The following CMC2 variants were observed in gnomAD, a reference collection of about 807,000 sequenced individuals.
CMC2 encodes C-X9-C motif containing 2, also known as COX assembly mitochondrial protein 2 homolog.
A neutral mutation model predicts 7.5 loss-of-function variants in CMC2; 5 were observed. That is an observed-to-expected ratio of 0.66 (90% confidence interval 0.35 to 1.40). The LOEUF (loss-of-function observed/expected upper bound fraction) is 1.40. Ranked by LOEUF, CMC2 falls within the 40% of genes most tolerant of loss-of-function variation. The probability of loss-of-function intolerance (pLI) is 0.04; values close to 1 mark genes in which losing one functional copy is unlikely to be tolerated. For missense variants in CMC2, 115 were observed against 92.3 expected, an observed-to-expected ratio of 1.25 and a Z score of -1.01; for synonymous variants, 37 against 31.4, an observed-to-expected ratio of 1.18 and a Z score of -0.60.
intron 1 of CMC2, among the ~76,000 whole-genome samples, chr16:80,999,544 T>G (rs561639721): frequency 0.054 from 8,232 of 152,252 alleles, 321 homozygotes; most frequent in Non-Finnish European, 0.082. Context: ...TGGCATTTTT[T>G]CACACAATTA....
Position 80,971,562 on chromosome 16 carries a change from T to TATATATA in CMC2, c.*4530_*4531insTATATAT, listed in dbSNP as rs1555512297. 899 of 75,750 alleles carry TATATATA rather than the reference T, an allele frequency of 0.012. 18 individuals are homozygous for TATATATA. The highest frequency in any genetic ancestry group is 0.023 in the African/African-American group (319 of 14,094). 4.7% of individuals were successfully genotyped at this position (75,750 alleles called of 1,614,324 possible). A position where few individuals can be genotyped will look rare whatever the true frequency, so the allele number is the denominator to read the frequency against. On this transcript the variant is annotated 3_prime_UTR_variant, in exon 4 of 4. Transcript: ENST00000219400. ...GGCTATGGATACTGACATACATACA[T>TATATATA]TTTATATATATATATATATATATGT...
chr16:80,994,584 C>A (rs965431753), intron 2 of CMC2, among the ~76,000 whole-genome samples: 1 of 152,078 alleles, frequency 6.6e-6, no homozygotes, highest in African/African-American at 2.4e-5. Flanking sequence ...CAAAGAAGCA[C>A]ATGAAAAGCA....
chr16:80,989,865 T>C (rs1211565761), intron 2 of CMC2, among the ~76,000 whole-genome samples: 1 of 152,206 alleles, frequency 6.6e-6, no homozygotes, highest in African/African-American at 2.4e-5. Flanking sequence ...TTGCTCAGTC[T>C]TGGAATACAC....
intron 1 of CMC2, among the ~76,000 whole-genome samples, chr16:81,005,148 G>C (rs1185553491): frequency 6.6e-6 from 1 of 152,178 alleles, no homozygotes; most frequent in Non-Finnish European, 1.5e-5. Context: ...ATCTTTTTAG[G>C]CTAGGCGCGG....
At chr16:80,980,643 A>G (rs1301951945) in intron 3 of CMC2, 2 of 467,346 alleles carry the variant, frequency 4.3e-6, no homozygotes, top group East Asian at 3.5e-5. Context: ...TAGTCCCAGC[A>G]CTTTGGGAGG....
chr16:80,984,307 T>C (rs1967356235), intron 2 of CMC2, among the ~76,000 whole-genome samples: 1 of 152,224 alleles, frequency 6.6e-6, no homozygotes, highest in Admixed American at 6.5e-5. Flanking sequence ...AATGCTGAAC[T>C]TGGTAGTTGT....
At chr16:80,993,204 A>G (rs1434220067) in intron 2 of CMC2, among the ~76,000 whole-genome samples, 1 of 152,234 alleles carries the variant, frequency 6.6e-6, no homozygotes, top group East Asian at 1.9e-4. Context: ...AACTGAATAT[A>G]TAAAACAACT....
chr16:80,976,255 A>G (rs1285719852), intron 3 of CMC2, 76 bp from the exon 4 acceptor site: 2 of 758,910 alleles, frequency 2.6e-6, no homozygotes, highest in African/African-American at 1.8e-5. Context: ...CTATTTAGAA[A>G]TATTTGCAAA....
chr16:80,994,408 C>G (rs1444272452), intron 2 of CMC2, among the ~76,000 whole-genome samples: 1 of 135,626 alleles, frequency 7.4e-6, no homozygotes, highest in Non-Finnish European at 1.6e-5. Context: ...ACAAGCTACT[C>G]TTTGAAACAC....
rs1912318951 is a variant in CMC2 at position 80,976,193 on chromosome 16, G to C, written c.154-14C>G. ...GTTTTCTACGTACTGAAAAATAAAA[G>C]AAGGGGGGGAGAAAAGAAACAGCAG... is the stretch of plus-strand genomic sequence containing the variant. On this transcript the variant is annotated splice_polypyrimidine_tract_variant and intron_variant, in intron 3 of 3. Transcript: ENST00000219400. 1 of 1,438,704 alleles carries C rather than the reference G, an allele frequency of 7.0e-7. No individual in the cohort carries two copies. Among genetic ancestry groups the C allele is most frequent in the Non-Finnish European group, 9.6e-7 (1 of 1,036,718 alleles). The allele number at this position is 1,438,704 out of a possible 1,614,324, so 89.1% of individuals were successfully genotyped here.
chr16:80,999,162 C>T (rs543326708), intron 1 of CMC2, among the ~76,000 whole-genome samples: 53 of 152,254 alleles, frequency 3.5e-4, no homozygotes, highest in African/African-American at 9.4e-4. Context: ...TCTTCACTGA[C>T]GATATGATTC....
chr16:81,005,324 A>G (rs1021420589), intron 1 of CMC2, among the ~76,000 whole-genome samples: 7 of 152,152 alleles, frequency 4.6e-5, no homozygotes, highest in African/African-American at 1.7e-4. Context: ...AGGCACGAGA[A>G]TCACTAGAAC....
intron 3 of CMC2, among the ~76,000 whole-genome samples, chr16:80,977,977 C>T (rs1912630313): frequency 6.6e-6 from 1 of 151,344 alleles, no homozygotes; most frequent in African/African-American, 2.4e-5. Context: ...GAGGCTGAGG[C>T]AGGAGAATCA....
At chr16:80,984,586 CTTTT>C (rs1481964381) in intron 2 of CMC2, among the ~76,000 whole-genome samples, 1 of 152,002 alleles carries the variant, frequency 6.6e-6, no homozygotes, top group Non-Finnish European at 1.5e-5. Flanking sequence ...TTTTATTTTA[CTTTT>C]TTCTTTCCTC....
intron 2 of CMC2, among the ~76,000 whole-genome samples, chr16:80,992,427 G>A (rs1310485529): frequency 6.6e-6 from 1 of 152,120 alleles, no homozygotes; most frequent in Non-Finnish European, 1.5e-5. Context: ...TTGCTACAAG[G>A]CAGCAAATTC....
At position 80,968,990 on chromosome 16, in the gene CMC2, C is replaced by T. The variant is rs1039298154; in HGVS notation, c.*7103G>A. Reference sequence around the variant, plus strand: ...AAAACATTAACTAGAAAACATAACACTTGCCAGCATAGGGAGGTAAGAGTA... The same window carrying T: ...AAAACATTAACTAGAAAACATAACATTTGCCAGCATAGGGAGGTAAGAGTA... On this transcript the variant is annotated 3_prime_UTR_variant, in exon 4 of 4. Transcript: ENST00000219400. The T allele has an allele frequency of 6.6e-6, 1 of 152,222 alleles. No individual in the cohort carries two copies. The highest frequency in any genetic ancestry group is 2.4e-5 in the African/African-American group (1 of 41,448). The allele number at this position is 152,222 out of a possible 1,614,324, so 9.4% of individuals were successfully genotyped here.
At position 80,975,152 on chromosome 16, in the gene CMC2, C is replaced by G. The variant is rs771295317; in HGVS notation, c.*941G>C. On this transcript the variant is annotated 3_prime_UTR_variant, in exon 4 of 4. Transcript: ENST00000219400. Reference sequence around the variant, plus strand: ...GTGAAATGACTGCTAGAATTGGGCACGGGAAGAACAGTCCTATACTCAGCA... The same window carrying G: ...GTGAAATGACTGCTAGAATTGGGCAGGGGAAGAACAGTCCTATACTCAGCA... The G allele has an allele frequency of 6.6e-6, 1 of 152,234 alleles. No homozygotes were observed. The highest frequency in any genetic ancestry group is 1.5e-5 in the Non-Finnish European group (1 of 68,088). The allele number at this position is 152,234 out of a possible 1,614,324, so 9.4% of individuals were successfully genotyped here. A position where few individuals can be genotyped will look rare whatever the true frequency, so the allele number is the denominator to read the frequency against.
intron 2 of CMC2, among the ~76,000 whole-genome samples, chr16:80,995,001 C>A (rs994796971): frequency 6.6e-6 from 1 of 151,888 alleles, no homozygotes; most frequent in African/African-American, 2.4e-5. Context: ...CAAAAATGAG[C>A]CAGGTGTGGT....
chr16:80,997,226 TC>T, intron 2 of CMC2, 87 bp downstream of exon 2: 1 of 796,732 alleles, frequency 1.3e-6, no homozygotes, highest in East Asian at 2.5e-5. Context: ...CATTATCGTT[TC>T]CTTCTATCAA....
Sources: gnomAD v4.1 joint callset for allele counts (sites outside exome capture counted in the v4.1 genomes callset) on GRCh38, gnomAD v4.1.1 for gene constraint, MANE v1.5 for transcripts, NCBI Gene and HGNC (gene_info 2026-07-23, HGNC 2026-07-21) for gene names.